The following ANKRD11 variants were observed in gnomAD, a reference collection of about 807,000 sequenced individuals.
ANKRD11 encodes ankyrin repeat domain-containing protein 11.
In ANKRD11, 17 loss-of-function variants were observed where a neutral mutation model predicts 195.7. That is an observed-to-expected ratio of 0.09 (90% CI 0.06 to 0.13). ANKRD11 has a LOEUF of 0.13. ANKRD11 is among the 10% of genes least tolerant of loss of function. The pLI is 1.00. For missense variants in ANKRD11, 3,735 were observed against 3,566.1 expected (o/e 1.05, Z -1.21); for synonymous variants, 1,953 against 1,528.1 (o/e 1.28, Z -6.49).
Position 89,413,738 on chromosome 16 carries a change from T to C in ANKRD11, c.-60+4546A>G, listed in dbSNP as rs573049448. On this transcript the variant is annotated intron_variant, in intron 2 of 12. Transcript: ENST00000301030. ...GCAGCCGCCAGGAACCCCTGGAGCA[T>C]TCTACGGCAGGACACAGAAACAGCC... Among the ~76,000 whole-genome samples, 6 of 152,258 alleles carry C rather than the reference T, an allele frequency of 3.9e-5. No homozygotes were observed. In the South Asian group the frequency reaches 1.0e-3, roughly 26 times the overall value.
At chr16:89,436,762 T>TA (rs1174698757) in intron 1 of ANKRD11, among the ~76,000 whole-genome samples, 2 of 152,242 alleles carry the variant, frequency 1.3e-5, no homozygotes, top group Admixed American at 1.3e-4. Context: ...TTTGTTTTAA[T>TA]AAAGTTATTC....
Position 89,334,169 on chromosome 16 carries a change from A to AAAAAAAAAAC in ANKRD11, c.-59-17092_-59-17091insGTTTTTTTTT, listed in dbSNP as rs2038221625. ...TAAAAAAAAAAAAAAAAAAAAAAAA[A>AAAAAAAAAAC]AAAACAGAGAGAGAGAGAAAGAAAG... On this transcript the variant is annotated intron_variant, in intron 2 of 12. Coordinates refer to ENST00000301030, the MANE Select transcript of ANKRD11 (RefSeq NM_013275.6). Among the ~76,000 whole-genome samples the AAAAAAAAAAC allele has an allele frequency of 4.7e-5, 5 of 107,292 alleles. 1 individual carries two copies. The highest frequency in any genetic ancestry group is 2.0e-4 in the Admixed American group (2 of 10,176). The allele number at this position is 107,292 out of a possible 152,430, so 70.4% of individuals were successfully genotyped here. A position where few individuals can be genotyped will look rare whatever the true frequency, so the allele number is the denominator to read the frequency against.
intron 2 of ANKRD11, among the ~76,000 whole-genome samples, chr16:89,384,879 C>CTTTCTTTTTTTTTTTT (rs2040832957): frequency 6.0e-5 from 3 of 49,910 alleles, no homozygotes; most frequent in African/African-American, 1.6e-4. Flanking sequence ...AAATAGTTTT[C>CTTTCTTTTTTTTTTTT]TTTTTTTTTT....
intron 1 of ANKRD11, among the ~76,000 whole-genome samples, chr16:89,436,179 C>T (rs949923679): frequency 3.3e-5 from 5 of 152,046 alleles, no homozygotes; most frequent in African/African-American, 1.2e-4. Context: ...CTTTAGGAGA[C>T]GGAGATGGGT....
chr16:89,340,610 A>G (rs1184437970), intron 2 of ANKRD11, among the ~76,000 whole-genome samples: 1 of 152,270 alleles, frequency 6.6e-6, no homozygotes, highest in Admixed American at 6.5e-5. Context: ...TCTTGGTTAG[A>G]CAAGGGGAAA....
At chr16:89,443,501 C>G (rs1193702149) in intron 1 of ANKRD11, 1 of 152,158 alleles carries the variant, frequency 6.6e-6, no homozygotes, top group African/African-American at 2.4e-5. Flanking sequence ...AAGAGATACA[C>G]AGGGTGCTCC....
chr16:89,303,864 G>A (rs559417917), intron 4 of ANKRD11, among the ~76,000 whole-genome samples: 3 of 152,194 alleles, frequency 2.0e-5, no homozygotes, highest in Admixed American at 6.5e-5. Flanking sequence ...AATCTCCTTC[G>A]TATCACGAGC....
intron 2 of ANKRD11, among the ~76,000 whole-genome samples, chr16:89,358,184 T>A (rs1263895209): frequency 2.0e-5 from 3 of 152,176 alleles, no homozygotes; most frequent in Non-Finnish European, 4.4e-5. Flanking sequence ...TGCCACCACG[T>A]GCGGGCAGAC....
At chr16:89,413,249 G>C (rs1228812572) in intron 2 of ANKRD11, among the ~76,000 whole-genome samples, 1 of 152,182 alleles carries the variant, frequency 6.6e-6, no homozygotes, top group Non-Finnish European at 1.5e-5. Flanking sequence ...TATTTATCTT[G>C]GCATAATTAC....
At chr16:89,300,998 G>T (rs537648199) in intron 4 of ANKRD11, 11 of 639,336 alleles carry the variant, frequency 1.7e-5, no homozygotes, top group Non-Finnish European at 2.8e-5. Context: ...GGTCACAGAC[G>T]AAGGCGCAGG....
In ANKRD11 at chr16:89,441,767, C is replaced by CAAAAAAAAAA. The variant is rs57747159; in HGVS notation, c.-144-23409_-144-23400dup. On this transcript the variant is annotated intron_variant, in intron 1 of 12. Transcript: ENST00000301030. ...GGGCAACAGAGCGAGACTCCGCCTA[C>CAAAAAAAAAA]AAAAAAAAAAAAAAAAAAAAAAAAA... Among the ~76,000 whole-genome samples the CAAAAAAAAAA allele has an allele frequency of 1.0e-2, 522 of 52,296 alleles. 88 individuals are homozygous for CAAAAAAAAAA. The highest frequency in any genetic ancestry group is 0.014 in the Non-Finnish European group (420 of 31,020). The allele number at this position is 52,296 out of a possible 152,430, so 34.3% of individuals were successfully genotyped here. A position where few individuals can be genotyped will look rare whatever the true frequency, so the allele number is the denominator to read the frequency against.
chr16:89,485,958 T>C (rs913203156), intron 1 of ANKRD11, among the ~76,000 whole-genome samples: 2 of 152,152 alleles, frequency 1.3e-5, no homozygotes, highest in Non-Finnish European at 2.9e-5. Context: ...ATGGAAACGA[T>C]GAGGAAATCT....
At chr16:89,420,374 A>T (rs953321245) in intron 1 of ANKRD11, 1 of 152,202 alleles carries the variant, frequency 6.6e-6, no homozygotes, top group African/African-American at 2.4e-5. Flanking sequence ...AGATGCCAGT[A>T]AGGCCACCCA....
intron 2 of ANKRD11, among the ~76,000 whole-genome samples, chr16:89,380,282 C>A (rs567033076): frequency 6.6e-6 from 1 of 152,148 alleles, no homozygotes; most frequent in Middle Eastern, 3.4e-3. Context: ...CTGGCTAATT[C>A]TGTATTTTTA....
intron 2 of ANKRD11, among the ~76,000 whole-genome samples, chr16:89,348,873 TAAAAAA>T (rs754111553): frequency 7.7e-6 from 1 of 130,416 alleles, no homozygotes; most frequent in African/African-American, 2.8e-5. Flanking sequence ...TTATTGTCTT[TAAAAAA>T]AAAAAAAAAA....
chr16:89,297,751 GTGAGAC>G (rs1416274188), intron 4 of ANKRD11: 1 of 152,230 alleles, frequency 6.6e-6, no homozygotes, highest in Admixed American at 6.5e-5. Context: ...CCATCTTGTG[GTGAGAC>G]TGGCTTCTCC....
At chr16:89,275,064 C>G in intron 10 of ANKRD11, 29 bp downstream of exon 10, 1 of 1,612,072 alleles carries the variant, frequency 6.2e-7, no homozygotes, top group African/African-American at 1.3e-5. Flanking sequence ...CTGGCCGTGG[C>G]GCCCCCCTGC....
intron 6 of ANKRD11, 138 bp from the exon 7 acceptor site, chr16:89,288,808 T>C: frequency 8.1e-7 from 1 of 1,228,196 alleles, no homozygotes; most frequent in Non-Finnish European, 1.2e-6. Context: ...GGCTGCAGTT[T>C]AGGGAAGCAG....
intron 1 of ANKRD11, among the ~76,000 whole-genome samples, chr16:89,457,325 G>A (rs899659162): frequency 2.0e-5 from 3 of 150,948 alleles, no homozygotes; most frequent in Admixed American, 1.3e-4. Context: ...CAGGCCAGGC[G>A]CAGTGGCTCA....
Sources: allele counts gnomAD v4.1 joint callset (sites outside exome capture counted in the v4.1 genomes callset), GRCh38; gene constraint gnomAD v4.1.1; transcripts MANE v1.5; gene names NCBI Gene and HGNC (gene_info 2026-07-23, HGNC 2026-07-21).